The following TPO variants were observed in gnomAD, a reference collection of about 807,000 sequenced individuals.
TPO encodes thyroid peroxidase, also known as thyroid microsomal antigen.
A neutral mutation model predicts 96.9 loss-of-function variants in TPO; 78 were observed. That is an observed-to-expected ratio of 0.81 (90% CI 0.67 to 0.97). The LOEUF is 0.97. Ranked by LOEUF, TPO falls within the 50% of genes least tolerant of loss-of-function variation. The pLI is 0.00. For synonymous variants in TPO, 547 were observed against 538.0 expected (o/e 1.02, Z -0.23); for missense variants, 1,252 against 1,274.8 (o/e 0.98, Z 0.27).
intron 2 of TPO, among the ~76,000 whole-genome samples, chr2:1,418,110 C>T (rs779998480): frequency 3.9e-5 from 6 of 152,134 alleles, no homozygotes; most frequent in African/African-American, 1.2e-4. Context: ...TGGCAAAACC[C>T]CATCTCTACT....
At chr2:1,529,720 C>G (rs1351251097) in intron 15 of TPO, among the ~76,000 whole-genome samples, 1 of 46,650 alleles carries the variant, frequency 2.1e-5, no homozygotes, top group Non-Finnish European at 4.6e-5. Flanking sequence ...CTCCTCAAAT[C>G]CCCCCACTGT....
At chr2:1,538,214 C>T (rs1680302622) in intron 15 of TPO, among the ~76,000 whole-genome samples, 1 of 152,076 alleles carries the variant, frequency 6.6e-6, no homozygotes, top group South Asian at 2.1e-4. Context: ...AATCTCTCCT[C>T]CCTTCTTTGC....
At chr2:1,414,381 T>G (rs1322137737) in intron 1 of TPO, 27 bp from the exon 2 acceptor site, 13 of 1,603,938 alleles carry the variant, frequency 8.1e-6, no homozygotes, top group Non-Finnish European at 1.0e-5. Flanking sequence ...CTTGATTACA[T>G]ACTCTGTCTC....
intron 9 of TPO, among the ~76,000 whole-genome samples, chr2:1,485,733 C>T (rs1430949646): frequency 6.6e-6 from 1 of 152,044 alleles, no homozygotes; most frequent in Non-Finnish European, 1.5e-5. Flanking sequence ...ATATCCTTCG[C>T]CCACTTTTTG....
intron 14 of TPO, among the ~76,000 whole-genome samples, chr2:1,509,734 CTT>C (rs1673884685): frequency 2.0e-5 from 3 of 151,684 alleles, no homozygotes; most frequent in Non-Finnish European, 4.4e-5. Flanking sequence ...AGCCCACCCT[CTT>C]GTTTCAGGGA....
At chr2:1,455,264 C>T (rs1193732475) in intron 6 of TPO, among the ~76,000 whole-genome samples, 1 of 152,170 alleles carries the variant, frequency 6.6e-6, no homozygotes, top group Non-Finnish European at 1.5e-5. Context: ...CAAGGATTAG[C>T]GAATGGATGT....
chr2:1,495,685 G>A (rs1158306478), intron 11 of TPO, among the ~76,000 whole-genome samples: 3 of 152,090 alleles, frequency 2.0e-5, no homozygotes, highest in Non-Finnish European at 4.4e-5. Context: ...CATCTCCTTC[G>A]GGTCCTCAGT....
At chr2:1,441,970 G>A (rs937890847) in intron 5 of TPO, among the ~76,000 whole-genome samples, 2 of 152,110 alleles carry the variant, frequency 1.3e-5, no homozygotes, top group Non-Finnish European at 2.9e-5. Flanking sequence ...TGAATCATGG[G>A]GGCAGGTCTT....
intron 5 of TPO, among the ~76,000 whole-genome samples, chr2:1,442,226 G>A (rs1666268662): frequency 6.6e-6 from 1 of 152,164 alleles, no homozygotes; most frequent in African/African-American, 2.4e-5. Flanking sequence ...TACAGATGGA[G>A]TAGGGGAGGG....
At chr2:1,380,132 C>A (rs12165185) in intron 1 of TPO, among the ~76,000 whole-genome samples, 16,081 of 152,130 alleles carry the variant, frequency 0.11, 1,591 homozygotes, top group African/African-American at 0.26. Context: ...CGGTGGCTCA[C>A]GCCTGTAATC....
At chr2:1,537,213 T>TA (rs1198278001) in intron 15 of TPO, among the ~76,000 whole-genome samples, 1 of 81,808 alleles carries the variant, frequency 1.2e-5, no homozygotes, top group East Asian at 4.2e-4. Context: ...CCCCACTGTG[T>TA]GCCACCTCCC....
At chr2:1,485,641 T>C (rs1247548994) in intron 9 of TPO, among the ~76,000 whole-genome samples, 1 of 151,792 alleles carries the variant, frequency 6.6e-6, no homozygotes, top group Non-Finnish European at 1.5e-5. Flanking sequence ...TTGATTTGCA[T>C]TTCTCTGATG....
intron 13 of TPO, among the ~76,000 whole-genome samples, chr2:1,499,335 C>T (rs1238286240): frequency 1.3e-5 from 2 of 152,172 alleles, no homozygotes; most frequent in Non-Finnish European, 2.9e-5. Flanking sequence ...CATCCTATGC[C>T]ATCAAAATCA....
intron 8 of TPO, among the ~76,000 whole-genome samples, chr2:1,482,635 T>G (rs1670756136): frequency 6.6e-6 from 1 of 152,178 alleles, no homozygotes; most frequent in African/African-American, 2.4e-5. Context: ...CCAGAAGAAT[T>G]GCCATGAAAA....
At chr2:1,479,134 G>A (rs969772168) in intron 8 of TPO, among the ~76,000 whole-genome samples, 1 of 152,246 alleles carries the variant, frequency 6.6e-6, no homozygotes, top group Admixed American at 6.5e-5. Context: ...AAACCCAGGA[G>A]CTGCTGAGCG....
At chr2:1,467,311 GC>G (rs1042845049) in intron 7 of TPO, among the ~76,000 whole-genome samples, 114 of 152,148 alleles carry the variant, frequency 7.5e-4, no homozygotes, top group African/African-American at 2.7e-3. Flanking sequence ...CACCATGTTG[GC>G]CAGACTGGTC....
intron 15 of TPO, among the ~76,000 whole-genome samples, chr2:1,525,251 T>C (rs1316816051): frequency 1.8e-4 from 13 of 73,952 alleles, no homozygotes; most frequent in East Asian, 4.9e-4. Flanking sequence ...CCCAAATCCC[T>C]CACACTGGGT....
In TPO at chr2:1,496,850, C is replaced by T. The variant is rs187954522; in HGVS notation, c.2386+85C>T. 1.1e-4 allele frequency: 181 copies of T among 1,594,082 alleles called. No homozygotes were observed. The Middle Eastern group carries it at 1.4e-3, about 12-fold the overall frequency. On this transcript the variant is annotated intron_variant, in intron 13 of 16. Coordinates refer to ENST00000329066, the MANE Select transcript of TPO (RefSeq NM_001206744.2). ...AATGCAATGTCATTGAAAATTTCTT[C>T]GCCAAAAGGTGCTTCTGAAACTGTT...
chr2:1,466,445 G>A (rs947545826), intron 7 of TPO, among the ~76,000 whole-genome samples: 2 of 152,178 alleles, frequency 1.3e-5, no homozygotes, highest in African/African-American at 2.4e-5. Flanking sequence ...CTATCTTGTG[G>A]AGTAGTGTCA....
Sources: gnomAD v4.1 joint callset for allele counts (sites outside exome capture counted in the v4.1 genomes callset) on GRCh38, gnomAD v4.1.1 for gene constraint, MANE v1.5 for transcripts, NCBI Gene and HGNC (gene_info 2026-07-23, HGNC 2026-07-21) for gene names.